FBXL13: variants seen among roughly 807,000 people sequenced by gnomAD.
FBXL13 encodes F-box and leucine-rich repeat protein 13.
In FBXL13, 67 loss-of-function variants were observed where a neutral mutation model predicts 83.6. The ratio of observed to expected loss-of-function variants is 0.80; its 90% confidence interval spans 0.66 to 0.98. The LOEUF is 0.98. FBXL13 is among the 50% of genes least tolerant of loss of function. The pLI is 0.00. For synonymous variants in FBXL13, 272 were observed against 299.5 expected (o/e 0.91, Z 0.95); for missense variants, 822 against 866.5 (o/e 0.95, Z 0.64).
At chr7:102,868,911 G>A (rs533620140) in intron 16 of FBXL13, among the ~76,000 whole-genome samples, 19 of 152,314 alleles carry the variant, frequency 1.2e-4, no homozygotes, top group Admixed American at 6.5e-4. Context: ...CAAGTGATCC[G>A]CCTGCCTTGG....
At chr7:102,856,135 T>A (rs909934217) in intron 16 of FBXL13, among the ~76,000 whole-genome samples, 32 of 152,232 alleles carry the variant, frequency 2.1e-4, no homozygotes, top group Admixed American at 2.0e-3. Flanking sequence ...TGCAACCTCA[T>A]TCTTTCAATT....
At chr7:103,074,626 T>C, upstream of FBXL13, 3 of 1,260,988 alleles carry the variant, frequency 2.4e-6, no homozygotes, top group South Asian at 3.7e-5. Context: ...CTCCGGGAAG[T>C]CTTTCCTGAC....
chr7:103,073,982 G>A (rs1799332242), intron 1 of FBXL13, among the ~76,000 whole-genome samples: 1 of 152,108 alleles, frequency 6.6e-6, no homozygotes, highest in Non-Finnish European at 1.5e-5. Flanking sequence ...GAAAAAAAGA[G>A]GTCAACAAAG....
intron 6 of FBXL13, among the ~76,000 whole-genome samples, chr7:103,020,609 T>C (rs1585395529): frequency 2.0e-5 from 3 of 152,340 alleles, no homozygotes; most frequent in South Asian, 4.1e-4. Context: ...AAAATCTCCT[T>C]AAGCTGATAA....
At chr7:102,811,965 C>A (rs1353185903), downstream of FBXL13, among the ~76,000 whole-genome samples, 1 of 152,196 alleles carries the variant, frequency 6.6e-6, no homozygotes, top group East Asian at 1.9e-4. Flanking sequence ...TATAATAATA[C>A]TTTGTACAAT....
intron 11 of FBXL13, among the ~76,000 whole-genome samples, chr7:102,892,489 G>T (rs2129460571): frequency 6.6e-6 from 1 of 151,900 alleles, no homozygotes; most frequent in South Asian, 2.1e-4. Context: ...TTCAACACAG[G>T]TTGAAGTCTG....
chr7:102,888,925 C>T (rs924434374), intron 11 of FBXL13, among the ~76,000 whole-genome samples: 2 of 152,024 alleles, frequency 1.3e-5, no homozygotes, highest in Non-Finnish European at 2.9e-5. Flanking sequence ...CTCAACCTCT[C>T]GACTCTTAGT....
intron 11 of FBXL13, among the ~76,000 whole-genome samples, chr7:102,887,871 C>G (rs1425850538): frequency 6.6e-6 from 1 of 152,148 alleles, no homozygotes; most frequent in Non-Finnish European, 1.5e-5. Flanking sequence ...ACACCAAATG[C>G]TAATAGTGAT....
At position 103,027,531 on chromosome 7, in the gene FBXL13, A is replaced by T. The variant is rs1366782906; in HGVS notation, c.245T>A (p.Ile82Asn). Residue 82 changes from isoleucine to asparagine, a missense_variant, in exon 5 of 20, where the codon ATC (isoleucine) becomes AAC (asparagine). Transcript: ENST00000313221. ...GATAATGGTTAGCTTGTGACAATAG[A>T]TGATCTGTTGTATCCGCAATAGAAT... The T allele has an allele frequency of 6.2e-6, 10 of 1,612,482 alleles. No individual in the cohort carries two copies. In the Admixed American group the frequency reaches 1.7e-4, roughly 27 times the overall value.
At chr7:103,026,012 G>A (rs115950546) in intron 5 of FBXL13, among the ~76,000 whole-genome samples, 1,655 of 150,476 alleles carry the variant, frequency 0.011, 35 homozygotes, top group African/African-American at 0.039. Flanking sequence ...CATATATCTT[G>A]ATGATATTAT....
chr7:102,913,120 T>C lies in FBXL13; in HGVS notation c.974A>G (p.Lys325Arg), dbSNP rs766996229. The C allele has an allele frequency of 1.5e-5, 24 of 1,614,028 alleles. No homozygotes were observed. The South Asian group carries it at 2.2e-4, about 15-fold the overall frequency. The stretch of plus-strand genomic sequence containing the variant: ...GCCAGAGAGGTCCAGATAGATGAGC[T>C]TGTGGCATCCATTCCCCAAGTTCAG... Residue 325 changes from lysine (K) to arginine (R), a missense_variant, in exon 11 of 20, where the codon AAG becomes AGG. Transcript: ENST00000313221.
chr7:102,936,334 A>G (rs1249878864), intron 8 of FBXL13: 1 of 152,206 alleles, frequency 6.6e-6, no homozygotes, highest in Non-Finnish European at 1.5e-5. Flanking sequence ...TAAGTAGCAA[A>G]GCTAAGAAGT....
chr7:103,039,134 G>A (rs998869027), intron 2 of FBXL13, among the ~76,000 whole-genome samples: 1 of 152,180 alleles, frequency 6.6e-6, no homozygotes, highest in African/African-American at 2.4e-5. Context: ...TAAATGACCT[G>A]ATGGAGCTGA....
At chr7:102,875,551 T>C (rs1348998392) in intron 16 of FBXL13, among the ~76,000 whole-genome samples, 1 of 152,152 alleles carries the variant, frequency 6.6e-6, no homozygotes, top group Non-Finnish European at 1.5e-5. Flanking sequence ...CATTCCACCT[T>C]TCCCAGTAGG....
intron 11 of FBXL13, among the ~76,000 whole-genome samples, chr7:102,910,380 T>C (rs1276801897): frequency 4.0e-5 from 6 of 151,218 alleles, no homozygotes; most frequent in Non-Finnish European, 8.8e-5. Context: ...TTTTTTCTTT[T>C]TCTTTCTTTT....
chr7:102,843,676 TGA>T (rs1803408692), intron 17 of FBXL13, among the ~76,000 whole-genome samples: 1 of 151,954 alleles, frequency 6.6e-6, no homozygotes, highest in African/African-American at 2.4e-5. Context: ...CTCCAGAGGT[TGA>T]GACAGGAGAA....
At chr7:102,827,035 A>C (rs1799860342) in intron 18 of FBXL13, 1 of 402,522 alleles carries the variant, frequency 2.5e-6, no homozygotes, top group Non-Finnish European at 5.4e-6. Flanking sequence ...CAAGAAGTAG[A>C]GTCTGTTTCC....
intron 8 of FBXL13, among the ~76,000 whole-genome samples, chr7:102,932,737 T>G (rs933015049): frequency 6.6e-6 from 1 of 151,996 alleles, no homozygotes; most frequent in Non-Finnish European, 1.5e-5. Flanking sequence ...CATTCCCAAG[T>G]AGCTGACACT....
intron 8 of FBXL13, among the ~76,000 whole-genome samples, chr7:102,950,375 G>A (rs560421164): frequency 7.2e-5 from 11 of 152,362 alleles, no homozygotes; most frequent in African/African-American, 2.6e-4. Context: ...TGATGAGGAT[G>A]TGGAGCAACA....
Sources: allele counts gnomAD v4.1 joint callset (sites outside exome capture counted in the v4.1 genomes callset), GRCh38; gene constraint gnomAD v4.1.1; transcripts MANE v1.5; gene names NCBI Gene and HGNC (gene_info 2026-07-23, HGNC 2026-07-21).